ABTB3: variants seen among roughly 807,000 people sequenced by gnomAD.
ABTB3 encodes ankyrin repeat and BTB domain containing 3, also known as ankyrin repeat- and BTB/POZ domain-containing protein 3.
At chr12:107,497,234 C>A in the ABTB3 span, among the ~76,000 whole-genome samples, 1 of 133,318 alleles carries the variant, frequency 7.5e-6, no homozygotes, top group Non-Finnish European at 1.7e-5. Flanking sequence ...TCTACGCTCA[C>A]CACCACCACC....
At chr12:107,520,610 C>G in the ABTB3 span, 2 of 1,614,200 alleles carry the variant, frequency 1.2e-6, no homozygotes, top group Non-Finnish European at 1.7e-6. Flanking sequence ...TTGCTGGCCA[C>G]GCGCGTAGGC....
the ABTB3 span, among the ~76,000 whole-genome samples, chr12:107,463,018 T>C: frequency 7.3e-5 from 11 of 151,580 alleles, no homozygotes; most frequent in Admixed American, 1.3e-4. Flanking sequence ...GTGATAATGG[T>C]AGTGATAGTG....
the ABTB3 span, among the ~76,000 whole-genome samples, chr12:107,449,269 C>T: frequency 2.0e-5 from 3 of 152,316 alleles, no homozygotes; most frequent in Non-Finnish European, 4.4e-5. Context: ...CTTCTTCATG[C>T]TGGTCTATTT....
At chr12:107,319,301 C>G in the ABTB3 span, 1 of 1,543,754 alleles carries the variant, frequency 6.5e-7, no homozygotes, top group Middle Eastern at 1.9e-4. Context: ...CCCGGCGGTC[C>G]CCGGCGGCCT....
the ABTB3 span, chr12:107,620,181 G>A: frequency 1.9e-5 from 31 of 1,612,682 alleles, no homozygotes; most frequent in Admixed American, 5.2e-4. Flanking sequence ...GGGGTTTGAG[G>A]TTGTTGTGGT....
At chr12:107,416,116 A>G in the ABTB3 span, among the ~76,000 whole-genome samples, 1 of 152,176 alleles carries the variant, frequency 6.6e-6, no homozygotes, top group Non-Finnish European at 1.5e-5. Context: ...GCAGAAGGTG[A>G]ACACAGCCTG....
the ABTB3 span, among the ~76,000 whole-genome samples, chr12:107,518,497 G>A: frequency 0.18 from 27,445 of 150,750 alleles, 3,124 homozygotes; most frequent in East Asian, 0.29. Context: ...GAAAACTATC[G>A]CAAGGACAGA....
the ABTB3 span, among the ~76,000 whole-genome samples, chr12:107,395,991 C>T: frequency 2.0e-5 from 3 of 152,210 alleles, no homozygotes; most frequent in Non-Finnish European, 4.4e-5. Context: ...AAGGTACAGA[C>T]CTGGCTGAGC....
chr12:107,646,647 G>A, the ABTB3 span, among the ~76,000 whole-genome samples: 1 of 152,146 alleles, frequency 6.6e-6, no homozygotes. Flanking sequence ...GCCCAAAGCC[G>A]GTATGTGGGA....
At chr12:107,341,314 C>T in the ABTB3 span, among the ~76,000 whole-genome samples, 1 of 152,172 alleles carries the variant, frequency 6.6e-6, no homozygotes, top group Non-Finnish European at 1.5e-5. Flanking sequence ...AGCTGAGGGT[C>T]AACCTGGAGG....
chr12:107,472,904 C>T, the ABTB3 span, among the ~76,000 whole-genome samples: 8 of 152,142 alleles, frequency 5.3e-5, no homozygotes, highest in Non-Finnish European at 1.2e-4. Context: ...AGAGTGTGAC[C>T]TTGGCCTTTT....
the ABTB3 span, among the ~76,000 whole-genome samples, chr12:107,515,520 G>A: frequency 1.3e-5 from 2 of 152,132 alleles, no homozygotes; most frequent in African/African-American, 2.4e-5. Flanking sequence ...TTTAAGGGGT[G>A]GTAAGTTCCT....
the ABTB3 span, among the ~76,000 whole-genome samples, chr12:107,517,666 G>A: frequency 6.6e-6 from 1 of 152,132 alleles, no homozygotes; most frequent in South Asian, 2.1e-4. Context: ...TTGGCTCTCT[G>A]TTTGTCTGTT....
chr12:107,511,458 ACT>A, the ABTB3 span, among the ~76,000 whole-genome samples: 7 of 151,192 alleles, frequency 4.6e-5, no homozygotes, highest in Admixed American at 3.3e-4. Context: ...TCTTGGCCGG[ACT>A]CTCTTACATT....
the ABTB3 span, among the ~76,000 whole-genome samples, chr12:107,483,555 C>T: frequency 1.3e-5 from 2 of 152,192 alleles, no homozygotes; most frequent in East Asian, 3.9e-4. Flanking sequence ...CCTTCCCCAC[C>T]AGGTCATGTG....
the ABTB3 span, chr12:107,615,000 A>G: frequency 2.1e-6 from 3 of 1,451,618 alleles, no homozygotes; most frequent in South Asian, 3.5e-5. Flanking sequence ...AGATACGTCA[A>G]ATTTGCTAGC....
the ABTB3 span, among the ~76,000 whole-genome samples, chr12:107,385,229 C>T: frequency 1.5e-4 from 23 of 152,220 alleles, no homozygotes; most frequent in African/African-American, 5.3e-4. Context: ...CAGACACGAA[C>T]AGGCTCTGTC....
chr12:107,452,519 T>A, the ABTB3 span, among the ~76,000 whole-genome samples: 1 of 151,398 alleles, frequency 6.6e-6, no homozygotes, highest in Non-Finnish European at 1.5e-5. Flanking sequence ...AAACTTACAG[T>A]GTCTAGGGGT....
chr12:107,589,014 C>T, the ABTB3 span, among the ~76,000 whole-genome samples: 1 of 152,318 alleles, frequency 6.6e-6, no homozygotes, highest in East Asian at 1.9e-4. Flanking sequence ...GCACCGCTTA[C>T]TCTCTGTGTG....
Sources: gnomAD v4.1 joint callset for allele counts (sites outside exome capture counted in the v4.1 genomes callset) on GRCh38, gnomAD v4.1.1 for gene constraint, MANE v1.5 for transcripts, NCBI Gene and HGNC (gene_info 2026-07-23, HGNC 2026-07-21) for gene names.